ENOX1: variants seen among roughly 807,000 people sequenced by gnomAD.
ENOX1 encodes the protein ecto-NOX disulfide-thiol exchanger 1.
A neutral mutation model predicts 82.5 loss-of-function variants in ENOX1; 42 were observed. That is an observed-to-expected ratio of 0.51 (90% CI 0.40 to 0.66). The LOEUF (loss-of-function observed/expected upper bound fraction) is 0.66. ENOX1 is among the 30% of genes least tolerant of loss of function. The probability of loss-of-function intolerance (pLI) is 0.00; values close to 1 mark genes in which losing one functional copy is unlikely to be tolerated. For synonymous variants in ENOX1, 271 were observed against 282.2 expected (o/e 0.96, Z 0.40); for missense variants, 608 against 811.6 (o/e 0.75, Z 3.05).
chr13:43,667,306 G>C (rs1360746300), intron 2 of ENOX1, 173 bp downstream of exon 2: 1 of 230,044 alleles, frequency 4.3e-6, no homozygotes, highest in Non-Finnish European at 7.2e-6. Context: ...CTTTGTAAAT[G>C]CTCCCCAAAT....
chr13:43,420,093 T>C (rs989817025), intron 3 of ENOX1, among the ~76,000 whole-genome samples: 24 of 152,316 alleles, frequency 1.6e-4, no homozygotes, highest in South Asian at 6.2e-4. Flanking sequence ...GAAAGATACA[T>C]TTCCTTCCAA....
At chr13:43,741,854 T>C (rs1949757990) in intron 1 of ENOX1, among the ~76,000 whole-genome samples, 1 of 152,224 alleles carries the variant, frequency 6.6e-6, no homozygotes, top group Non-Finnish European at 1.5e-5. Context: ...TTTCTTCTAA[T>C]AGTTTTATAG....
At chr13:43,785,598 G>C (rs550358966) in intron 1 of ENOX1, among the ~76,000 whole-genome samples, 2 of 152,152 alleles carry the variant, frequency 1.3e-5, no homozygotes, top group African/African-American at 4.8e-5. Context: ...GATTGAGGGA[G>C]AGAAAAGGAG....
At chr13:43,258,136 A>T (rs1434214502) in intron 14 of ENOX1, among the ~76,000 whole-genome samples, 1 of 152,132 alleles carries the variant, frequency 6.6e-6, no homozygotes, top group Non-Finnish European at 1.5e-5. Flanking sequence ...TGGGAAGGAA[A>T]CTTCTCTGAG....
rs2041293117 is a variant in ENOX1, at chr13:43,213,545, T to A, written c.*445A>T. ...TTTTCTTTTTTTCTTTTTCTTTTTC[T>A]TTTTTTTTTTTTTTTTTTTTTTACT... On this transcript the variant is annotated 3_prime_UTR_variant, in exon 17 of 17. Transcript: ENST00000690772. The A allele has an allele frequency of 6.2e-5, 1 of 16,142 alleles. No homozygotes were observed. The highest frequency in any genetic ancestry group is 1.6e-3 in the South Asian group (1 of 638). 1.0% of individuals were successfully genotyped at this position (16,142 alleles called of 1,614,324 possible). A position where few individuals can be genotyped will look rare whatever the true frequency, so the allele number is the denominator to read the frequency against.
intron 2 of ENOX1, among the ~76,000 whole-genome samples, chr13:43,571,806 T>C (rs2325043): frequency 0.97 from 147,974 of 152,268 alleles, 72,042 homozygotes; most frequent in East Asian, 1. Context: ...GTGAAGGGGC[T>C]GAAGTGGATA....
At chr13:43,434,934 GTGGTT>G (rs2055902027) in intron 3 of ENOX1, among the ~76,000 whole-genome samples, 1 of 103,568 alleles carries the variant, frequency 9.7e-6, no homozygotes, top group Non-Finnish European at 1.8e-5. Flanking sequence ...TTGTGTGTGT[GTGGTT>G]TTTTTTTTTT....
intron 11 of ENOX1, among the ~76,000 whole-genome samples, chr13:43,317,881 T>C (rs1206121218): frequency 6.6e-6 from 1 of 151,948 alleles, no homozygotes; most frequent in Non-Finnish European, 1.5e-5. Context: ...GGCGGGTGCC[T>C]GTAGTCCTAG....
intron 2 of ENOX1, among the ~76,000 whole-genome samples, chr13:43,643,827 A>G (rs1434828591): frequency 6.6e-6 from 1 of 152,200 alleles, no homozygotes; most frequent in South Asian, 2.1e-4. Context: ...AAACACATTA[A>G]CTTTCCTCTC....
chr13:43,236,842 TCTATTTATAA>T (rs2153459285), intron 14 of ENOX1, 104 bp from the exon 15 acceptor site: 1 of 517,724 alleles, frequency 1.9e-6, no homozygotes, highest in East Asian at 3.6e-5. Context: ...GGTCATCACT[TCTATTTATAA>T]CTAAAGATCA....
At chr13:43,386,725 A>T (rs1594264828) in intron 5 of ENOX1, among the ~76,000 whole-genome samples, 1 of 152,186 alleles carries the variant, frequency 6.6e-6, no homozygotes, top group Non-Finnish European at 1.5e-5. Flanking sequence ...TGTCTTGGGG[A>T]TTCTTTTTGA....
At chr13:43,214,556 A>G (rs907303488) in intron 16 of ENOX1, among the ~76,000 whole-genome samples, 7 of 152,174 alleles carry the variant, frequency 4.6e-5, no homozygotes, top group Admixed American at 2.6e-4. Flanking sequence ...ATTCGGGTGG[A>G]TTTCTTGCCA....
At chr13:43,382,278 T>G (rs2052102325) in intron 5 of ENOX1, among the ~76,000 whole-genome samples, 1 of 152,166 alleles carries the variant, frequency 6.6e-6, no homozygotes, top group South Asian at 2.1e-4. Context: ...TCTCAATAGA[T>G]GCAGAAAAAG....
At chr13:43,404,476 AGAT>A (rs2053671300) in intron 5 of ENOX1, among the ~76,000 whole-genome samples, 2 of 152,170 alleles carry the variant, frequency 1.3e-5, no homozygotes, top group African/African-American at 2.4e-5. Context: ...CCTGCTAACT[AGAT>A]AAGTCTAATT....
At chr13:43,652,064 C>A (rs2084215850) in intron 2 of ENOX1, among the ~76,000 whole-genome samples, 1 of 151,516 alleles carries the variant, frequency 6.6e-6, no homozygotes, top group Admixed American at 6.6e-5. Flanking sequence ...CTATAAAGTA[C>A]CCAGCTGCAA....
chr13:43,444,758 A>G (rs1050459195), intron 3 of ENOX1, among the ~76,000 whole-genome samples: 2 of 152,250 alleles, frequency 1.3e-5, no homozygotes, highest in African/African-American at 4.8e-5. Context: ...TGAGTTCTAC[A>G]TACAGAGTCA....
intron 2 of ENOX1, among the ~76,000 whole-genome samples, chr13:43,567,458 C>T (rs184742691): frequency 2.0e-5 from 3 of 151,988 alleles, no homozygotes; most frequent in Admixed American, 2.0e-4. Flanking sequence ...TAAAATGGGA[C>T]AAATCATATC....
intron 1 of ENOX1, among the ~76,000 whole-genome samples, chr13:43,755,414 C>T (rs1379321958): frequency 1.3e-5 from 2 of 152,110 alleles, no homozygotes; most frequent in African/African-American, 2.4e-5. Context: ...CAGGAGGCCT[C>T]GGGCACTGCT....
Position 43,773,546 on chromosome 13 carries a change from G to A in ENOX1, c.-285+13106C>T, listed in dbSNP as rs1951761485. Among the ~76,000 whole-genome samples the A allele has an allele frequency of 2.0e-5, 3 of 152,198 alleles. No homozygotes were observed. The South Asian group carries it at 6.2e-4, about 32-fold the overall frequency. On this transcript the variant is annotated intron_variant, in intron 1 of 16. Coordinates refer to ENST00000690772, the MANE Select transcript of ENOX1 (RefSeq NM_001347969.2). Reference sequence around the variant, plus strand: ...TCTCCAGCCACACTGGCCTCCTTCTGGTTTCTAAAAGCCAAGCTTTCACAC... The same window carrying A: ...TCTCCAGCCACACTGGCCTCCTTCTAGTTTCTAAAAGCCAAGCTTTCACAC...
Sources: allele counts gnomAD v4.1 joint callset (sites outside exome capture counted in the v4.1 genomes callset), GRCh38; gene constraint gnomAD v4.1.1; transcripts MANE v1.5; gene names NCBI Gene and HGNC (gene_info 2026-07-23, HGNC 2026-07-21).